The following LUC7L2 variants were observed in gnomAD, a reference collection of about 807,000 sequenced individuals.
LUC7L2 encodes putative RNA-binding protein Luc7-like 2.
A neutral mutation model predicts 52.8 loss-of-function variants in LUC7L2; 25 were observed. The ratio of observed to expected loss-of-function variants is 0.47; its 90% CI spans 0.34 to 0.66. LUC7L2 has a LOEUF of 0.66. Ranked by LOEUF, LUC7L2 falls within the 30% of genes least tolerant of loss-of-function variation. The pLI is 0.01. For synonymous variants in LUC7L2, 144 were observed against 160.9 expected (o/e 0.89, Z 0.80); for missense variants, 328 against 497.8 (o/e 0.66, Z 3.25).
intron 1 of LUC7L2, chr7:139,345,430 T>C: frequency 6.3e-7 from 1 of 1,583,150 alleles, no homozygotes; most frequent in Non-Finnish European, 8.6e-7. Flanking sequence ...TGAATGCTTA[T>C]TTATTAAATC....
At chr7:139,421,567 CAGTATG>C (rs1795905810) in intron 9 of LUC7L2, among the ~76,000 whole-genome samples, 1 of 152,160 alleles carries the variant, frequency 6.6e-6, no homozygotes, top group Non-Finnish European at 1.5e-5. Context: ...TAAGCTAACT[CAGTATG>C]AGTAGATTTT....
intron 8 of LUC7L2, chr7:139,416,504 T>A (rs373779787): frequency 3.3e-5 from 5 of 152,224 alleles, no homozygotes; most frequent in African/African-American, 1.2e-4. Context: ...CAAGTGTTCT[T>A]TCTCCCAAAC....
At chr7:139,395,153 A>G (rs1794604066) in intron 2 of LUC7L2, among the ~76,000 whole-genome samples, 1 of 152,208 alleles carries the variant, frequency 6.6e-6, no homozygotes, top group Non-Finnish European at 1.5e-5. Flanking sequence ...ATATTAAGGA[A>G]GTTGTTGGCG....
chr7:139,381,382 TTTATTTTTTATTTTATTTTA>T (rs1435425400), intron 2 of LUC7L2, among the ~76,000 whole-genome samples: 2 of 70,092 alleles, frequency 2.9e-5, no homozygotes, highest in African/African-American at 3.2e-4. Flanking sequence ...TTATTTTTAT[TTTATTTTTTATTTTATTTTA>T]TTTTATTTTA....
intron 4 of LUC7L2, among the ~76,000 whole-genome samples, chr7:139,403,213 AATAC>A (rs1294960138): frequency 6.6e-6 from 1 of 152,244 alleles, no homozygotes; most frequent in Non-Finnish European, 1.5e-5. Context: ...TAACCACAGT[AATAC>A]ATACATAAAG....
intron 1 of LUC7L2, among the ~76,000 whole-genome samples, chr7:139,370,206 T>C (rs1800373706): frequency 6.6e-6 from 1 of 152,196 alleles, no homozygotes; most frequent in Non-Finnish European, 1.5e-5. Context: ...TTAAACTGAG[T>C]GTATATATTA....
chr7:139,371,331 C>T, intron 1 of LUC7L2: 1 of 737,718 alleles, frequency 1.4e-6, no homozygotes. Flanking sequence ...TCAAATATTA[C>T]AAACTTTAAG....
chr7:139,406,937 A>G (rs1037674365), intron 5 of LUC7L2, among the ~76,000 whole-genome samples: 2 of 148,800 alleles, frequency 1.3e-5, no homozygotes, highest in African/African-American at 4.9e-5. Flanking sequence ...GAGAGGCGCT[A>G]AGGATAGAGG....
chr7:139,398,596 C>A lies in LUC7L2; in HGVS notation c.157-3C>A. The A allele has an allele frequency of 6.3e-7, 1 of 1,592,118 alleles. No homozygotes were observed. The highest frequency in any genetic ancestry group is 1.9e-5 in the Admixed American group (1 of 53,542). On this transcript the variant is annotated splice_region_variant and splice_polypyrimidine_tract_variant and intron_variant, in intron 2 of 9. Coordinates refer to ENST00000354926, the MANE Select transcript of LUC7L2 (RefSeq NM_016019.5). ...TTAATATTATGTCTTTTTTCCCTTCCAGAGAATGGATCTTGGAGAATGTCT... is the reference window on the plus strand; with the variant it reads ...TTAATATTATGTCTTTTTTCCCTTCAAGAGAATGGATCTTGGAGAATGTCT...
chr7:139,364,204 C>T (rs1446495772), intron 1 of LUC7L2, among the ~76,000 whole-genome samples: 1 of 151,736 alleles, frequency 6.6e-6, no homozygotes, highest in Non-Finnish European at 1.5e-5. Flanking sequence ...AGGATGGTCT[C>T]GAACTCCTGA....
rs1017868874 is a variant in LUC7L2 at position 139,345,881 on chromosome 7, T to C, written c.-26+5364T>C. ...TACTCTCAGTGAATTTACTGAACTT[T>C]TTGCACTAGACTGATGTTGTTTTTC... is the stretch of plus-strand genomic sequence containing the variant. On this transcript the variant is annotated intron_variant, in intron 1 of 10. Coordinates refer to the LUC7L2 transcript ENST00000541170. 5.6e-5 allele frequency: 39 copies of C among 698,886 alleles called. No homozygotes were observed. In the East Asian group the frequency reaches 1.0e-3, roughly 18 times the overall value. 43.3% of individuals were successfully genotyped at this position (698,886 alleles called of 1,614,324 possible). A position where few individuals can be genotyped will look rare whatever the true frequency, so the allele number is the denominator to read the frequency against.
At position 139,398,692 on chromosome 7, in the gene LUC7L2, C is replaced by G. The variant is rs199947447; in HGVS notation, c.250C>G (p.Leu84Val). The G allele has an allele frequency of 4.4e-5, 71 of 1,609,966 alleles. No individual in the cohort carries two copies. The Middle Eastern group carries it at 5.0e-4, about 11-fold the overall frequency. ...CAAAGAACAAGATTTTTTCTTTGAACTTGATGTATGTGATTTTGCTTTAAT... is the reference window on the plus strand; with the variant it reads ...CAAAGAACAAGATTTTTTCTTTGAAGTTGATGTATGTGATTTTGCTTTAAT... Reference protein sequence around the residue: ...ASKEQDFFFELDAMDHLQSFI... With the variant: ...ASKEQDFFFEVDAMDHLQSFI... The change falls in exon 3 of 10, where the codon CTT (leucine) becomes GTT (valine). Residue 84 changes from leucine (L) to valine (V), a missense_variant. Leu to Val is a conservative substitution (Grantham distance 32, BLOSUM62 1). This residue lies in a region of LUC7L2 where 133 missense variants were observed against 274.4 expected (regional missense o/e 0.48). Coordinates refer to ENST00000354926, the MANE Select transcript of LUC7L2 (RefSeq NM_016019.5).
At chr7:139,393,776 C>T (rs1275077654) in intron 2 of LUC7L2, among the ~76,000 whole-genome samples, 2 of 152,174 alleles carry the variant, frequency 1.3e-5, no homozygotes, top group Admixed American at 1.3e-4. Flanking sequence ...TTCTCATGTG[C>T]ATAGCACAGT....
At chr7:139,381,186 G>T (rs1297996493) in intron 2 of LUC7L2, among the ~76,000 whole-genome samples, 3 of 151,880 alleles carry the variant, frequency 2.0e-5, no homozygotes, top group Non-Finnish European at 4.4e-5. Flanking sequence ...TACCATTTAG[G>T]AATCTTAAAT....
At chr7:139,341,446 T>C in intron 1 of LUC7L2, 1 of 1,613,600 alleles carries the variant, frequency 6.2e-7, no homozygotes, top group African/African-American at 1.3e-5. Flanking sequence ...TTGCGCTACC[T>C]GAGCGCGGCC....
chr7:139,362,395 A>G (rs1799933411), intron 1 of LUC7L2, among the ~76,000 whole-genome samples: 1 of 151,992 alleles, frequency 6.6e-6, no homozygotes, highest in Non-Finnish European at 1.5e-5. Flanking sequence ...GTTCTTTTTT[A>G]GCATACAGTC....
chr7:139,368,162 A>G (rs1242918815), intron 1 of LUC7L2, among the ~76,000 whole-genome samples: 1 of 152,188 alleles, frequency 6.6e-6, no homozygotes, highest in Non-Finnish European at 1.5e-5. Context: ...TATAGTAATT[A>G]TTTATAGCAA....
At chr7:139,385,732 A>G (rs181952606) in intron 2 of LUC7L2, among the ~76,000 whole-genome samples, 6 of 152,358 alleles carry the variant, frequency 3.9e-5, no homozygotes, top group Admixed American at 3.9e-4. Flanking sequence ...AGTACTGGTT[A>G]ATATATTTCA....
Position 139,341,601 on chromosome 7 carries a change from G to A in LUC7L2, c.-26+1084G>A, listed in dbSNP as rs371664261. ...GGTCTGGGCTAGGGTGGGGAGCACG[G>A]TGTTTAATTCCTGCATTTCTGAGGC... is the stretch of plus-strand genomic sequence containing the variant. On this transcript the variant is annotated intron_variant, in intron 1 of 10. Transcript: ENST00000541170. 3.8e-4 allele frequency: 581 copies of A among 1,548,510 alleles called. 3 individuals are homozygous for A. In the African/African-American group the frequency reaches 6.7e-3, roughly 18 times the overall value.
Sources: gnomAD v4.1 joint callset for allele counts (sites outside exome capture counted in the v4.1 genomes callset) on GRCh38, gnomAD v4.1.1 for gene constraint, gnomAD v4.1.1 regional missense constraint, MANE v1.5 for transcripts, NCBI Gene and HGNC (gene_info 2026-07-23, HGNC 2026-07-21) for gene names.